ZBTB20: variants seen among roughly 807,000 people sequenced by gnomAD.
ZBTB20 encodes the protein zinc finger and BTB domain containing 20.
Under a neutral mutation model 56.9 loss-of-function variants are expected in ZBTB20, and 9 were observed. That is an observed-to-expected ratio of 0.16 (90% CI 0.10 to 0.28). The LOEUF is 0.28. Among genes scored for constraint, ZBTB20 ranks in the 10% least tolerant of loss-of-function variants. The pLI, the probability that ZBTB20 is intolerant of heterozygous loss-of-function variation, is 1.00. For synonymous variants in ZBTB20, 417 were observed against 420.7 expected (o/e 0.99, Z 0.11); for missense variants, 655 against 1,003.0 (o/e 0.65, Z 4.69).
intron 2 of ZBTB20, among the ~76,000 whole-genome samples, chr3:115,013,965 A>G (rs749676722): frequency 2.0e-5 from 3 of 151,444 alleles, no homozygotes; most frequent in Admixed American, 1.3e-4. Flanking sequence ...AGTATATTGA[A>G]GATATATCTG....
At chr3:114,722,830 A>G (rs1026713829) in intron 5 of ZBTB20, among the ~76,000 whole-genome samples, 1 of 152,164 alleles carries the variant, frequency 6.6e-6, no homozygotes, top group Non-Finnish European at 1.5e-5. Flanking sequence ...TATTTCTTCC[A>G]ATCAAACAGG....
At chr3:114,367,774 T>A (rs1451919080) in intron 10 of ZBTB20, among the ~76,000 whole-genome samples, 1 of 123,480 alleles carries the variant, frequency 8.1e-6, no homozygotes, top group Non-Finnish European at 1.8e-5. Flanking sequence ...CCTCTTTCAT[T>A]TTTAGGAAAA....
At chr3:114,851,454 CAT>C (rs150999864) in intron 4 of ZBTB20, among the ~76,000 whole-genome samples, 6,352 of 152,000 alleles carry the variant, frequency 0.042, 156 homozygotes, top group Middle Eastern at 0.11. Flanking sequence ...AAATTTTTCA[CAT>C]ATATATATAA....
intron 6 of ZBTB20, among the ~76,000 whole-genome samples, chr3:114,576,501 CAAAAAAAAAAAAAAAAAAAAAAAAAA>C (rs61714991): frequency 0.016 from 380 of 24,086 alleles, 3 homozygotes; most frequent in South Asian, 0.05. Context: ...GACTCCGTCT[CAAAAAAAAAAAAAAAAAAAAAAAAAA>C]AAAAAAAAAA....
chr3:114,696,063 C>A (rs1466748517), intron 5 of ZBTB20, among the ~76,000 whole-genome samples: 1 of 151,852 alleles, frequency 6.6e-6, no homozygotes, highest in African/African-American at 2.4e-5. Flanking sequence ...AAAAGATTTC[C>A]GCAAGTCATC....
At chr3:114,645,797 C>G (rs1284879062) in intron 6 of ZBTB20, among the ~76,000 whole-genome samples, 2 of 152,086 alleles carry the variant, frequency 1.3e-5, no homozygotes, top group African/African-American at 2.4e-5. Context: ...TCATTAGACA[C>G]AATTCTCAGA....
At chr3:114,961,301 A>G (rs2077443410) in intron 3 of ZBTB20, among the ~76,000 whole-genome samples, 1 of 152,104 alleles carries the variant, frequency 6.6e-6, no homozygotes, top group Non-Finnish European at 1.5e-5. Flanking sequence ...AATACAAAAA[A>G]TAAAAGGCAT....
chr3:114,619,053 G>A (rs1036474565), intron 6 of ZBTB20, among the ~76,000 whole-genome samples: 5 of 152,158 alleles, frequency 3.3e-5, no homozygotes, highest in African/African-American at 4.8e-5. Flanking sequence ...TACCCAGGAG[G>A]ACATTGTGTT....
chr3:114,757,096 CATT>C (rs1372632854), intron 5 of ZBTB20, among the ~76,000 whole-genome samples: 1 of 152,130 alleles, frequency 6.6e-6, no homozygotes, highest in Non-Finnish European at 1.5e-5. Flanking sequence ...TCTTGCAACT[CATT>C]TGTAGACAGC....
chr3:114,819,452 G>C (rs2073121380), intron 4 of ZBTB20, among the ~76,000 whole-genome samples: 1 of 151,862 alleles, frequency 6.6e-6, no homozygotes, highest in Non-Finnish European at 1.5e-5. Context: ...TTATTTTGAA[G>C]CTCTAATGGA....
At chr3:114,527,649 T>C (rs2047380026) in intron 6 of ZBTB20, among the ~76,000 whole-genome samples, 1 of 152,204 alleles carries the variant, frequency 6.6e-6, no homozygotes, top group Non-Finnish European at 1.5e-5. Context: ...TAAGGGAACA[T>C]ACAGCTGTAC....
chr3:114,501,056 T>C (rs977283594), intron 6 of ZBTB20, among the ~76,000 whole-genome samples: 1 of 152,184 alleles, frequency 6.6e-6, no homozygotes, highest in African/African-American at 2.4e-5. Flanking sequence ...CTGAACAAAT[T>C]CAATACATTC....
intron 7 of ZBTB20, among the ~76,000 whole-genome samples, chr3:114,424,295 C>G (rs2089453835): frequency 6.6e-6 from 1 of 152,140 alleles, no homozygotes; most frequent in Non-Finnish European, 1.5e-5. Flanking sequence ...ACTTCACACC[C>G]CAACTCATCT....
At chr3:115,072,154 T>C (rs2082432410) in intron 1 of ZBTB20, among the ~76,000 whole-genome samples, 1 of 152,188 alleles carries the variant, frequency 6.6e-6, no homozygotes, top group South Asian at 2.1e-4. Context: ...ATTTGAATAA[T>C]TTCTAATTGG....
chr3:114,848,857 G>A (rs1302447957), intron 4 of ZBTB20, among the ~76,000 whole-genome samples: 1 of 152,208 alleles, frequency 6.6e-6, no homozygotes, highest in Non-Finnish European at 1.5e-5. Flanking sequence ...GTGGGCCACA[G>A]GTGGATGCCT....
chr3:114,438,813 T>C (rs947606319), intron 7 of ZBTB20, among the ~76,000 whole-genome samples: 1 of 152,164 alleles, frequency 6.6e-6, no homozygotes, highest in Non-Finnish European at 1.5e-5. Flanking sequence ...AAGCCAGGCA[T>C]AGGGCCCGTC....
chr3:114,464,400 T>C (rs2092456265), intron 7 of ZBTB20, among the ~76,000 whole-genome samples: 3 of 152,310 alleles, frequency 2.0e-5, no homozygotes, highest in Non-Finnish European at 2.9e-5. Context: ...ATTCAGCTTA[T>C]GTGTCAAGTA....
intron 5 of ZBTB20, among the ~76,000 whole-genome samples, chr3:114,764,187 T>A (rs1481038704): frequency 6.6e-6 from 1 of 151,874 alleles, no homozygotes; most frequent in African/African-American, 2.4e-5. Flanking sequence ...AGCTTTTTCA[T>A]ACTTGGTACA....
chr3:114,780,910 C>T (rs1192670162), intron 5 of ZBTB20, among the ~76,000 whole-genome samples: 6 of 152,142 alleles, frequency 3.9e-5, no homozygotes, highest in Admixed American at 3.3e-4. Context: ...TACCAACATG[C>T]TAACTGTTCA....
Sources: gnomAD v4.1 joint callset for allele counts (sites outside exome capture counted in the v4.1 genomes callset) on GRCh38, gnomAD v4.1.1 for gene constraint, MANE v1.5 for transcripts, NCBI Gene and HGNC (gene_info 2026-07-23, HGNC 2026-07-21) for gene names.